Variants in KCNQ3 observed in about 807,000 individuals in gnomAD.
KCNQ3 encodes the protein potassium voltage-gated channel subfamily Q member 3.
A neutral mutation model predicts 92.5 loss-of-function variants in KCNQ3; 30 were observed. The observed-to-expected ratio is 0.32, with a 90% confidence interval of 0.24 to 0.44. The LOEUF (loss-of-function observed/expected upper bound fraction) is 0.44, where lower values mean the gene tolerates loss of function less well. Ranked by LOEUF, KCNQ3 falls within the 20% of genes least tolerant of loss-of-function variation. The pLI is 1.00. For synonymous variants in KCNQ3, 450 were observed against 468.8 expected (o/e 0.96, Z 0.52); for missense variants, 913 against 1,140.3 (o/e 0.80, Z 2.87).
chr8:132,336,237 C>G (rs1237791049), intron 1 of KCNQ3, among the ~76,000 whole-genome samples: 1 of 152,176 alleles, frequency 6.6e-6, no homozygotes. Context: ...AGGGGTCTCC[C>G]CTGCACCATT....
chr8:132,295,178 A>C (rs1404220344), intron 1 of KCNQ3, among the ~76,000 whole-genome samples: 1 of 152,260 alleles, frequency 6.6e-6, no homozygotes, highest in African/African-American at 2.4e-5. Context: ...AAGGAACTTA[A>C]ACAAATTTAC....
intron 1 of KCNQ3, among the ~76,000 whole-genome samples, chr8:132,251,888 G>T (rs745943738): frequency 6.6e-6 from 1 of 152,196 alleles, no homozygotes; most frequent in Non-Finnish European, 1.5e-5. Flanking sequence ...GATCTGAAGG[G>T]TTATCATCAC....
intron 1 of KCNQ3, among the ~76,000 whole-genome samples, chr8:132,191,318 C>T (rs1333994884): frequency 6.6e-6 from 1 of 152,038 alleles, no homozygotes; most frequent in East Asian, 1.9e-4. Context: ...TGCACCACCA[C>T]TCATGGTTAA....
chr8:132,437,301 T>TA (rs1409206329), intron 1 of KCNQ3, among the ~76,000 whole-genome samples: 7 of 147,910 alleles, frequency 4.7e-5, no homozygotes, highest in Non-Finnish European at 9.0e-5. Flanking sequence ...AAATAAAAAA[T>TA]AAAAAAAATA....
intron 1 of KCNQ3, among the ~76,000 whole-genome samples, chr8:132,454,601 G>T (rs1363321663): frequency 6.6e-6 from 1 of 152,120 alleles, no homozygotes; most frequent in African/African-American, 2.4e-5. Flanking sequence ...ATCCAGCTAG[G>T]AAGGGGTCAT....
intron 9 of KCNQ3, among the ~76,000 whole-genome samples, chr8:132,160,879 T>C (rs560580100): frequency 6.6e-6 from 1 of 152,300 alleles, no homozygotes; most frequent in East Asian, 1.9e-4. Flanking sequence ...TTATAAAGTA[T>C]ATATGCTTTA....
intron 1 of KCNQ3, among the ~76,000 whole-genome samples, chr8:132,208,053 C>A (rs1029366210): frequency 1.3e-5 from 2 of 152,098 alleles, no homozygotes; most frequent in Non-Finnish European, 2.9e-5. Flanking sequence ...TTCCTTCCCT[C>A]CCTGGGCTCC....
chr8:132,183,985 G>A (rs556448468), intron 3 of KCNQ3, among the ~76,000 whole-genome samples: 2 of 152,210 alleles, frequency 1.3e-5, no homozygotes, highest in East Asian at 3.9e-4. Flanking sequence ...CAACCCAATT[G>A]CCAAGAGTGA....
At chr8:132,308,812 T>C (rs1458745425) in intron 1 of KCNQ3, among the ~76,000 whole-genome samples, 1 of 152,188 alleles carries the variant, frequency 6.6e-6, no homozygotes, top group Non-Finnish European at 1.5e-5. Flanking sequence ...AGGGGTTAAG[T>C]AAACTGCTTG....
chr8:132,467,184 T>G (rs1053350344), intron 1 of KCNQ3, among the ~76,000 whole-genome samples: 3 of 152,084 alleles, frequency 2.0e-5, no homozygotes, highest in African/African-American at 7.2e-5. Context: ...AGACTCAAGG[T>G]GAGAGCCTGG....
intron 1 of KCNQ3, among the ~76,000 whole-genome samples, chr8:132,345,031 C>T (rs1818642992): frequency 6.6e-6 from 1 of 152,086 alleles, no homozygotes; most frequent in Admixed American, 6.6e-5. Context: ...TAGAGCATGC[C>T]CCCCTGTAAT....
At chr8:132,305,088 AG>A (rs2094200733) in intron 1 of KCNQ3, among the ~76,000 whole-genome samples, 1 of 152,128 alleles carries the variant, frequency 6.6e-6, no homozygotes, top group Non-Finnish European at 1.5e-5. Flanking sequence ...ACTTCATCTA[AG>A]CTCCCTGTCT....
intron 1 of KCNQ3, among the ~76,000 whole-genome samples, chr8:132,428,958 G>A (rs1019470096): frequency 3.9e-5 from 6 of 152,208 alleles, no homozygotes; most frequent in African/African-American, 1.4e-4. Context: ...AGGGAGGTAA[G>A]CAGGAACGAC....
chr8:132,230,599 A>G (rs1814615271), intron 1 of KCNQ3, among the ~76,000 whole-genome samples: 1 of 152,238 alleles, frequency 6.6e-6, no homozygotes, highest in African/African-American at 2.4e-5. Flanking sequence ...CAGACAGCAG[A>G]AAAACAAGAG....
intron 1 of KCNQ3, among the ~76,000 whole-genome samples, chr8:132,345,923 G>GTGATGATGA (rs150778628): frequency 1.3e-3 from 197 of 151,610 alleles, no homozygotes; most frequent in African/African-American, 4.5e-3. Context: ...TGGTAATAAC[G>GTGATGATGA]TGATGATGAT....
chr8:132,180,056 A>C (rs1230466727), intron 4 of KCNQ3, 101 bp downstream of exon 4: 2 of 1,295,150 alleles, frequency 1.5e-6, no homozygotes, highest in Non-Finnish European at 2.2e-6. Flanking sequence ...AGGGTGGCAG[A>C]ATGACTGCCT....
intron 1 of KCNQ3, among the ~76,000 whole-genome samples, chr8:132,214,859 A>C (rs180888581): frequency 4.6e-5 from 7 of 152,354 alleles, no homozygotes; most frequent in Admixed American, 3.9e-4. Context: ...CCTGGGATTC[A>C]GTAGGTGCTC....
chr8:132,450,856 G>A (rs1402007640), intron 1 of KCNQ3, among the ~76,000 whole-genome samples: 1 of 152,234 alleles, frequency 6.6e-6, no homozygotes, highest in Non-Finnish European at 1.5e-5. Context: ...GGCAAGGGAA[G>A]GGGGTGAGAG....
chr8:132,222,550 G>C (rs1814272322), intron 1 of KCNQ3, among the ~76,000 whole-genome samples: 1 of 152,226 alleles, frequency 6.6e-6, no homozygotes, highest in Non-Finnish European at 1.5e-5. Context: ...GGGACTTTGG[G>C]TTGGTGGAAA....
Sources: allele counts gnomAD v4.1 joint callset (sites outside exome capture counted in the v4.1 genomes callset), GRCh38; gene constraint gnomAD v4.1.1; transcripts MANE v1.5; gene names NCBI Gene and HGNC (gene_info 2026-07-23, HGNC 2026-07-21).